Variants in SRGAP3 observed in about 807,000 individuals in gnomAD.
SRGAP3 encodes the protein SLIT-ROBO Rho GTPase-activating protein 3.
SRGAP3 carries 39 observed loss-of-function variants against 121.1 expected under a neutral mutation model. That is an observed-to-expected ratio of 0.32 (90% CI 0.25 to 0.42). The LOEUF (loss-of-function observed/expected upper bound fraction) is 0.42. Ranked by LOEUF, SRGAP3 falls within the 10% of genes least tolerant of loss-of-function variation. The pLI, the probability that SRGAP3 is intolerant of heterozygous loss-of-function variation, is 1.00. For missense variants in SRGAP3, 1,213 were observed against 1,470.6 expected, an observed-to-expected ratio of 0.82 and a Z score of 2.86; for synonymous variants, 601 against 570.0, an observed-to-expected ratio of 1.05 and a Z score of -0.77.
intron 3 of SRGAP3, among the ~76,000 whole-genome samples, chr3:9,271,365 G>A (rs1373892837): frequency 6.6e-6 from 1 of 152,162 alleles, no homozygotes; most frequent in Admixed American, 6.5e-5. Flanking sequence ...GTTGGCTATT[G>A]AGGTCTCATG....
At chr3:9,142,219 G>T (rs1026126230) in intron 1 of SRGAP3, among the ~76,000 whole-genome samples, 4 of 152,190 alleles carry the variant, frequency 2.6e-5, no homozygotes, top group Admixed American at 6.5e-5. Flanking sequence ...AGCTCTGTAA[G>T]CAGTAAAAAG....
At chr3:9,295,368 G>C (rs1358266579) in intron 3 of SRGAP3, among the ~76,000 whole-genome samples, 4 of 152,204 alleles carry the variant, frequency 2.6e-5, no homozygotes, top group African/African-American at 9.7e-5. Context: ...TGTTGTGCCT[G>C]CTGTTTTTCT....
chr3:9,318,876 C>A (rs1955395049), intron 3 of SRGAP3, among the ~76,000 whole-genome samples: 2 of 150,998 alleles, frequency 1.3e-5, no homozygotes, highest in Non-Finnish European at 2.9e-5. Flanking sequence ...GAGACCGCAT[C>A]TCAAGAAAAA....
At chr3:9,362,162 CTTTTT>C (rs36036357) in intron 1 of SRGAP3, among the ~76,000 whole-genome samples, 6 of 90,930 alleles carry the variant, frequency 6.6e-5, no homozygotes, top group Non-Finnish European at 1.3e-4. Context: ...AGGTTCAACT[CTTTTT>C]TTTTTTTTTT....
intron 2 of SRGAP3, among the ~76,000 whole-genome samples, chr3:9,110,934 G>A (rs976896287): frequency 5.9e-5 from 9 of 152,244 alleles, no homozygotes; most frequent in South Asian, 4.1e-4. Context: ...GGTGTTCACC[G>A]GCGTCTGCCA....
intron 3 of SRGAP3, among the ~76,000 whole-genome samples, chr3:9,261,282 T>C (rs1954250835): frequency 6.6e-6 from 1 of 152,030 alleles, no homozygotes. Flanking sequence ...AAAACCAGAA[T>C]GCCTCTTCTC....
chr3:9,018,726 C>T lies in SRGAP3; in HGVS notation c.1679-2995G>A, dbSNP rs527396175. On this transcript the variant is annotated intron_variant, in intron 14 of 21. Transcript: ENST00000383836. Reference sequence around the variant, plus strand: ...GGTAAGTGGCACACTTGGTTTTCTTCGTATTTTAGGTAGTAATTTTTTTTA... The same window carrying T: ...GGTAAGTGGCACACTTGGTTTTCTTTGTATTTTAGGTAGTAATTTTTTTTA... Among the ~76,000 whole-genome samples the T allele has an allele frequency of 8.5e-5, 13 of 152,236 alleles. No individual in the cohort carries two copies. The South Asian group carries it at 1.9e-3, about 22-fold the overall frequency.
chr3:9,081,842 T>C (rs1476516439), intron 3 of SRGAP3, among the ~76,000 whole-genome samples: 1 of 152,224 alleles, frequency 6.6e-6, no homozygotes, highest in East Asian at 1.9e-4. Flanking sequence ...TTCTCTGCTA[T>C]AATCTGAATG....
chr3:9,241,010 G>A (rs1379257948), intron 1 of SRGAP3, among the ~76,000 whole-genome samples: 1 of 152,132 alleles, frequency 6.6e-6, no homozygotes, highest in African/African-American at 2.4e-5. Flanking sequence ...CCCACTGAAG[G>A]AACCCCTTGT....
At chr3:9,165,592 T>C (rs1250477494) in intron 1 of SRGAP3, among the ~76,000 whole-genome samples, 1 of 152,192 alleles carries the variant, frequency 6.6e-6, no homozygotes, top group African/African-American at 2.4e-5. Flanking sequence ...CATCTGTGAA[T>C]TCTCTTAGTT....
chr3:9,080,054 G>A lies in SRGAP3; in HGVS notation c.457C>T (p.Leu153Phe). The A allele has an allele frequency of 6.3e-7, 1 of 1,599,644 alleles. No homozygotes were observed. The highest frequency in any genetic ancestry group is 2.3e-5 in the East Asian group (1 of 44,358). ...KEIGLQMHEE[L>F]LKVTNELYTV... ...TAGAGCTCATTGGTCACCTTCAGGAGCTCCTCGTGCATCTGCAGGCCAATC... is the reference window on the plus strand; with the variant it reads ...TAGAGCTCATTGGTCACCTTCAGGAACTCCTCGTGCATCTGCAGGCCAATC... Residue 153 changes from leucine (L) to phenylalanine (F), a missense_variant, in exon 4 of 22, where the codon CTC (leucine) becomes TTC (phenylalanine). By Grantham distance (22) the Leu-to-Phe change is conservative. This residue lies in a region of SRGAP3 where 793 missense variants were observed against 1,032.9 expected (regional missense o/e 0.77). Coordinates refer to ENST00000383836, the MANE Select transcript of SRGAP3 (RefSeq NM_014850.4).
chr3:9,047,400 G>A lies in SRGAP3; in HGVS notation c.1399C>T (p.Leu467=). The change falls in exon 10 of 22, where the codon CTG becomes TTG. Residue 467 remains leucine (L), a synonymous_variant. Transcript: ENST00000383836. ...QAKHDLLKQT[L]GEGERAECGT... ...CCACCAGCCCACTCACCTTCGCCCAGGGTCTGCTTGAGTAAATCGTGCTTG... is the reference window on the plus strand; with the variant it reads ...CCACCAGCCCACTCACCTTCGCCCAAGGTCTGCTTGAGTAAATCGTGCTTG... 6.2e-7 allele frequency: 1 copy of A among 1,614,154 alleles called. No individual in the cohort carries two copies. The highest frequency in any genetic ancestry group is 8.5e-7 in the Non-Finnish European group (1 of 1,180,030).
chr3:9,206,040 A>G (rs1161400784), intron 1 of SRGAP3, among the ~76,000 whole-genome samples: 1 of 152,208 alleles, frequency 6.6e-6, no homozygotes, highest in South Asian at 2.1e-4. Context: ...AAGTTCTGAG[A>G]TGAATAGTGG....
intron 3 of SRGAP3, among the ~76,000 whole-genome samples, chr3:9,320,318 A>G (rs1471227504): frequency 6.6e-6 from 1 of 151,924 alleles, no homozygotes; most frequent in Non-Finnish European, 1.5e-5. Flanking sequence ...CCAAATCTCA[A>G]TGTCAAACTG....
At chr3:9,079,476 A>G (rs907932315) in intron 4 of SRGAP3, among the ~76,000 whole-genome samples, 4 of 152,208 alleles carry the variant, frequency 2.6e-5, no homozygotes, top group African/African-American at 9.6e-5. Flanking sequence ...GCAGGTAACA[A>G]AGTCAGCCGT....
intron 9 of SRGAP3, chr3:9,049,499 T>C (rs1052848763): frequency 1.1e-5 from 5 of 455,966 alleles, no homozygotes; most frequent in African/African-American, 1.0e-4. Flanking sequence ...AGCTCAGAAC[T>C]GTGGTCACTC....
chr3:9,189,050 C>T (rs946216719), intron 1 of SRGAP3, among the ~76,000 whole-genome samples: 1 of 152,090 alleles, frequency 6.6e-6, no homozygotes, highest in Non-Finnish European at 1.5e-5. Context: ...TTTGTAGGTT[C>T]CACTGAAGAC....
rs1397484608 is a variant in SRGAP3, at chr3:8,985,952, G to T, written c.2887-20C>A. The T allele has an allele frequency of 1.3e-6, 2 of 1,599,638 alleles. No individual in the cohort carries two copies. The highest frequency in any genetic ancestry group is 3.3e-5 in the Admixed American group (2 of 60,032). The stretch of plus-strand genomic sequence containing the variant: ...GATGTCCTGGGGACAGAGGGAGCTG[G>T]GGTCAGCACAGTCTGGAGACCTGGA... On this transcript the variant is annotated intron_variant, in intron 21 of 21. Transcript: ENST00000383836. The surrounding 1 kb of genome is among the most constrained non-coding windows in gnomAD (Gnocchi z 5.1).
chr3:9,032,432 A>G (rs983333931), intron 12 of SRGAP3, among the ~76,000 whole-genome samples: 1 of 152,202 alleles, frequency 6.6e-6, no homozygotes, highest in South Asian at 2.1e-4. Context: ...CCCTACCCCC[A>G]GGGCTGAGAA....
Sources: gnomAD v4.1 joint callset for allele counts (sites outside exome capture counted in the v4.1 genomes callset) on GRCh38, gnomAD v4.1.1 for gene constraint, gnomAD v4.1.1 regional missense constraint, Gnocchi (gnomAD v3.1) non-coding constraint, MANE v1.5 for transcripts, NCBI Gene and HGNC (gene_info 2026-07-23, HGNC 2026-07-21) for gene names.